MARCHF10: variants seen among roughly 807,000 people sequenced by gnomAD.
MARCHF10 encodes membrane associated ring-CH-type finger 10, also known as probable E3 ubiquitin-protein ligase MARCHF10.
A neutral mutation model predicts 76.2 loss-of-function variants in MARCHF10; 64 were observed. That is an observed-to-expected ratio of 0.84 (90% CI 0.69 to 1.03). The LOEUF is 1.03. Among genes scored for constraint, MARCHF10 ranks in the 50% least tolerant of loss-of-function variants. The probability of loss-of-function intolerance (pLI) is 0.00; values close to 1 mark genes in which losing one functional copy is unlikely to be tolerated. For missense variants in MARCHF10, 875 were observed against 958.0 expected (o/e 0.91, Z 1.14); for synonymous variants, 340 against 357.5 (o/e 0.95, Z 0.55).
intron 2 of MARCHF10, among the ~76,000 whole-genome samples, chr17:62,797,444 T>TCTGC (rs1215515287): frequency 6.6e-6 from 1 of 152,194 alleles, no homozygotes; most frequent in Non-Finnish European, 1.5e-5. Flanking sequence ...GACCTTGTGA[T>TCTGC]CTGCCTGCCT....
At chr17:62,778,112 C>A (rs1355566997) in intron 3 of MARCHF10, among the ~76,000 whole-genome samples, 2 of 152,208 alleles carry the variant, frequency 1.3e-5, no homozygotes, top group African/African-American at 4.8e-5. Context: ...CCATGGTGGG[C>A]ATGAGCCCAG....
rs762865355 is a variant in MARCHF10, at chr17:62,736,442, A to G, written c.1426T>C (p.Phe476Leu). 5 of 1,614,084 alleles carry G rather than the reference A, an allele frequency of 3.1e-6. No individual in the cohort carries two copies. The highest frequency in any genetic ancestry group is 1.7e-5 in the Admixed American group (1 of 60,004). ...VNSSYNPPAS[F>L]MHSALRDDIP... The stretch of plus-strand genomic sequence containing the variant: ...TCATCTCTCAGAGCAGAATGCATGA[A>G]TGATGCAGGAGGGTTATAGGATGAA... Residue 476 changes from phenylalanine to leucine, a missense_variant, in exon 6 of 11, where the codon TTC becomes CTC. Physicochemically the swap from Phe to Leu is conservative, Grantham distance 22 (BLOSUM62 0). Transcript: ENST00000311269.
chr17:62,755,132 A>T (rs1421912427), intron 4 of MARCHF10, among the ~76,000 whole-genome samples: 1 of 152,212 alleles, frequency 6.6e-6, no homozygotes, highest in Non-Finnish European at 1.5e-5. Context: ...GCACCCAATA[A>T]GAAGTGAGGA....
chr17:62,790,187 T>G (rs1354787051), intron 2 of MARCHF10, among the ~76,000 whole-genome samples: 1 of 151,880 alleles, frequency 6.6e-6, no homozygotes, highest in African/African-American at 2.4e-5. Context: ...GTTTTTTTTT[T>G]CCCCCCAAGA....
intron 6 of MARCHF10, among the ~76,000 whole-genome samples, chr17:62,729,099 C>T (rs1270038885): frequency 6.6e-6 from 1 of 152,082 alleles, no homozygotes; most frequent in Non-Finnish European, 1.5e-5. Context: ...GCCACCACCC[C>T]AGGTTATTTA....
Position 62,735,932 on chromosome 17 carries a change from T to G in MARCHF10, c.1936A>C (p.Ser646Arg), listed in dbSNP as rs1163462678. 6 of 1,594,844 alleles carry G rather than the reference T, an allele frequency of 3.8e-6. No homozygotes were observed. The highest frequency in any genetic ancestry group is 5.1e-6 in the Non-Finnish European group (6 of 1,176,026). Residue 646 changes from serine to arginine, a missense_variant and splice_region_variant, in exon 6 of 11, where the codon AGT (serine) becomes CGT (arginine). Coordinates refer to ENST00000311269, the MANE Select transcript of MARCHF10 (RefSeq NM_152598.4). ...DPEKLKKLQE[S>R]LLEEDSEEEG... is the part of the protein sequence containing the mutation. ...TATATAATTATGAAAAGTCCTCACC[T>G]TTCTTGCAATTTCTTGAGTTTCTCA... is the stretch of plus-strand genomic sequence containing the variant.
chr17:62,724,926 T>C lies in MARCHF10; in HGVS notation c.2104+12A>G, dbSNP rs1299057034. ...GTCGTGGCACGTTCACTGCACTTCCTTCCCCACCTACCTGATGTTATTTTC... is the reference window on the plus strand; with the variant it reads ...GTCGTGGCACGTTCACTGCACTTCCCTCCCCACCTACCTGATGTTATTTTC... On this transcript the variant is annotated intron_variant, in intron 7 of 10. Coordinates refer to ENST00000311269, the MANE Select transcript of MARCHF10 (RefSeq NM_152598.4). 6.2e-7 allele frequency: 1 copy of C among 1,610,680 alleles called. No individual in the cohort carries two copies. The highest frequency in any genetic ancestry group is 8.5e-7 in the Non-Finnish European group (1 of 1,178,762).
chr17:62,798,899 C>A (rs2093029483), intron 2 of MARCHF10, among the ~76,000 whole-genome samples: 1 of 152,158 alleles, frequency 6.6e-6, no homozygotes, highest in South Asian at 2.1e-4. Flanking sequence ...AGGCTGGGTA[C>A]CAGCAGGAAG....
chr17:62,714,510 T>G (rs2090093247), intron 8 of MARCHF10: 2 of 678,198 alleles, frequency 2.9e-6, no homozygotes, highest in African/African-American at 3.9e-5. Flanking sequence ...AAGACCTGCA[T>G]CTGTCTTGTT....
chr17:62,731,502 T>G (rs2091022111), intron 6 of MARCHF10, among the ~76,000 whole-genome samples: 1 of 152,102 alleles, frequency 6.6e-6, no homozygotes, highest in African/African-American at 2.4e-5. Context: ...TGACCTCAAG[T>G]GATTCACCCA....
chr17:62,742,055 G>A (rs1440672128), intron 5 of MARCHF10, among the ~76,000 whole-genome samples: 2 of 124,266 alleles, frequency 1.6e-5, no homozygotes, highest in Non-Finnish European at 3.2e-5. Context: ...GTCTCACTGT[G>A]TCACTCAAGC....
rs1238480417 is a variant in MARCHF10, at chr17:62,717,511, T to C, written c.2214+4977A>G. On this transcript the variant is annotated intron_variant, in intron 8 of 10. Coordinates refer to ENST00000311269, the MANE Select transcript of MARCHF10 (RefSeq NM_152598.4). ...TGGCCCAGGGGCCGGCCCCATGGCT[T>C]TCCCCAGCCGGGCTTCCTTGCCCTC... Among the ~76,000 whole-genome samples the C allele has an allele frequency of 2.0e-5, 3 of 152,368 alleles. No individual in the cohort carries two copies. In the East Asian group the frequency reaches 5.8e-4, roughly 29 times the overall value.
At chr17:62,765,512 C>A (rs539311833) in intron 3 of MARCHF10, among the ~76,000 whole-genome samples, 1 of 152,138 alleles carries the variant, frequency 6.6e-6, no homozygotes, top group South Asian at 2.1e-4. Context: ...TTGAAACGAC[C>A]CAGCCTGTGG....
At chr17:62,728,266 A>G (rs555068606) in intron 6 of MARCHF10, among the ~76,000 whole-genome samples, 8 of 152,050 alleles carry the variant, frequency 5.3e-5, no homozygotes, top group Admixed American at 2.6e-4. Context: ...GCCTCAACCA[A>G]TCCTGCCTCA....
In MARCHF10 at chr17:62,705,597, CA is replaced by C. The variant is rs768525323; in HGVS notation, c.2329-17del. 3.5e-5 allele frequency: 57 copies of C among 1,613,186 alleles called. No individual in the cohort carries two copies. The highest frequency in any genetic ancestry group is 5.0e-5 in the Admixed American group (3 of 59,598). On this transcript the variant is annotated splice_polypyrimidine_tract_variant and intron_variant, in intron 9 of 10. Coordinates refer to ENST00000311269, the MANE Select transcript of MARCHF10 (RefSeq NM_152598.4). ...TTCTTGACAACTACAAGAAAGAAGA[CA>C]ATGAGAAATGAATTGTTTTTTCCAA...
intron 8 of MARCHF10, among the ~76,000 whole-genome samples, chr17:62,718,576 G>A (rs543237286): frequency 1.8e-4 from 28 of 152,218 alleles, no homozygotes; most frequent in Non-Finnish European, 3.4e-4. Flanking sequence ...TCCTCCTTAG[G>A]AGATTCGGCA....
intron 1 of MARCHF10, 123 bp from the exon 2 acceptor site, chr17:62,801,875 C>T: frequency 1.4e-6 from 1 of 728,804 alleles, no homozygotes; most frequent in East Asian, 2.6e-5. Context: ...GTTTGAAAGG[C>T]ACAGATGCTC....
rs1568171576 is a variant in MARCHF10, at chr17:62,759,867, G to C, written c.350C>G (p.Ala117Gly). The C allele has an allele frequency of 1.2e-6, 2 of 1,614,092 alleles. No homozygotes were observed. The highest frequency in any genetic ancestry group is 1.7e-6 in the Non-Finnish European group (2 of 1,180,018). The change falls in exon 4 of 11, where the codon GCA (alanine) becomes GGA (glycine). Residue 117 changes from alanine (A) to glycine (G), a missense_variant. Physicochemically the swap from Ala to Gly is moderately conservative, Grantham distance 60. Transcript: ENST00000311269. ...KHKSTMTVRKAEKVDPSEPSP... is the reference protein window; with the variant it reads ...KHKSTMTVRKGEKVDPSEPSP... Reference sequence around the variant, plus strand: ...GGGTTCGCTGGGGTCCACTTTCTCTGCTTTCCTTACAGTCATGGTACTTTT... The same window carrying C: ...GGGTTCGCTGGGGTCCACTTTCTCTCCTTTCCTTACAGTCATGGTACTTTT...
chr17:62,779,891 G>T (rs2092625255), intron 3 of MARCHF10, among the ~76,000 whole-genome samples: 1 of 152,216 alleles, frequency 6.6e-6, no homozygotes, highest in African/African-American at 2.4e-5. Context: ...GAGGTCAGTA[G>T]TTTGAAACCA....
Sources: allele counts gnomAD v4.1 joint callset (sites outside exome capture counted in the v4.1 genomes callset), GRCh38; gene constraint gnomAD v4.1.1; transcripts MANE v1.5; gene names NCBI Gene and HGNC (gene_info 2026-07-23, HGNC 2026-07-21).